Variants in EDIL3 observed in about 807,000 individuals in gnomAD.
The protein encoded by EDIL3 is EGF like and discoidin domains 3.
A neutral mutation model predicts 67.4 loss-of-function variants in EDIL3; 37 were observed. The observed-to-expected ratio is 0.55, with a 90% CI of 0.42 to 0.72. EDIL3 has a LOEUF of 0.72. Among genes scored for constraint, EDIL3 ranks in the 30% least tolerant of loss-of-function variants. The probability of loss-of-function intolerance (pLI) is 0.00; values close to 1 mark genes in which losing one functional copy is unlikely to be tolerated. For synonymous variants in EDIL3, 195 were observed against 196.3 expected (o/e 0.99, Z 0.05); for missense variants, 527 against 586.3 (o/e 0.90, Z 1.04).
At chr5:84,228,235 G>A (rs1016001446) in intron 3 of EDIL3, among the ~76,000 whole-genome samples, 1 of 152,026 alleles carries the variant, frequency 6.6e-6, no homozygotes, top group Non-Finnish European at 1.5e-5. Flanking sequence ...AGAGAACTAA[G>A]AGACTAGGGG....
intron 5 of EDIL3, among the ~76,000 whole-genome samples, chr5:84,117,840 A>G (rs1747699141): frequency 6.6e-6 from 1 of 152,178 alleles, no homozygotes; most frequent in African/African-American, 2.4e-5. Context: ...GGAACTAGGT[A>G]GGGACTATAA....
rs546343056 is a variant in EDIL3 at position 84,070,489 on chromosome 5, C to T, written c.652-3883G>A. Among the ~76,000 whole-genome samples the T allele has an allele frequency of 3.3e-5, 5 of 152,296 alleles. No homozygotes were observed. In the East Asian group the frequency reaches 9.7e-4, roughly 29 times the overall value. ...GAAGGGAGCCACATCCCATCACACACCTTGCAAGGGGGACAAGGGAACTTT... is the reference window on the plus strand; with the variant it reads ...GAAGGGAGCCACATCCCATCACACATCTTGCAAGGGGGACAAGGGAACTTT... On this transcript the variant is annotated intron_variant, in intron 6 of 10. Transcript: ENST00000296591.
chr5:84,175,385 A>G (rs548440085), intron 4 of EDIL3, among the ~76,000 whole-genome samples: 1 of 152,306 alleles, frequency 6.6e-6, no homozygotes, highest in African/African-American at 2.4e-5. Flanking sequence ...AAAGGAAGGG[A>G]AAAAAATAAA....
chr5:84,085,190 T>A (rs1467397097), intron 6 of EDIL3, among the ~76,000 whole-genome samples: 1 of 152,188 alleles, frequency 6.6e-6, no homozygotes, highest in African/African-American at 2.4e-5. Context: ...AATTCGTCAA[T>A]CTCATTCTCT....
At position 83,983,742 on chromosome 5, in the gene EDIL3, CT is replaced by C. The variant is rs550782079; in HGVS notation, c.1138-20383del. On this transcript the variant is annotated intron_variant, in intron 9 of 10. Transcript: ENST00000296591. ...TGACAGGTGGGAGGACAGGGACTTT[CT>C]TTTTTTTTTTTTTTTTCACTGTTCA... Among the ~76,000 whole-genome samples the C allele has an allele frequency of 2.4e-3, 305 of 126,862 alleles. 2 individuals are homozygous for C. Among genetic ancestry groups the C allele is most frequent in the Admixed American group, 8.9e-3 (111 of 12,542 alleles). 83.2% of individuals were successfully genotyped at this position (126,862 alleles called of 152,430 possible). A position where few individuals can be genotyped will look rare whatever the true frequency, so the allele number is the denominator to read the frequency against.
intron 9 of EDIL3, among the ~76,000 whole-genome samples, chr5:84,044,520 C>T (rs903936738): frequency 2.1e-4 from 32 of 151,744 alleles, no homozygotes; most frequent in Admixed American, 3.3e-4. Flanking sequence ...ATTTTTAGGA[C>T]GAAATTTTCC....
intron 9 of EDIL3, among the ~76,000 whole-genome samples, chr5:83,973,066 C>T (rs1422261037): frequency 6.6e-6 from 1 of 151,928 alleles, no homozygotes; most frequent in Non-Finnish European, 1.5e-5. Flanking sequence ...AAAGAATCAC[C>T]CTTTTCTTAC....
At chr5:84,286,542 T>C (rs1387484254) in intron 1 of EDIL3, among the ~76,000 whole-genome samples, 2 of 152,182 alleles carry the variant, frequency 1.3e-5, no homozygotes, top group East Asian at 1.9e-4. Context: ...TAGCATATAC[T>C]CTGCGTTTGC....
intron 1 of EDIL3, among the ~76,000 whole-genome samples, chr5:84,258,739 T>G (rs1365031815): frequency 1.3e-5 from 2 of 152,114 alleles, no homozygotes; most frequent in Non-Finnish European, 2.9e-5. Flanking sequence ...GGCCATAATC[T>G]CAGTGGTTAG....
At chr5:83,990,291 A>G (rs1057157845) in intron 9 of EDIL3, among the ~76,000 whole-genome samples, 1 of 152,100 alleles carries the variant, frequency 6.6e-6, no homozygotes, top group East Asian at 1.9e-4. Context: ...GATTGAGACC[A>G]TTTTGGCCAA....
In EDIL3 at chr5:83,985,858, A is replaced by G. The variant is rs185071092; in HGVS notation, c.1138-22498T>C. On this transcript the variant is annotated intron_variant, in intron 9 of 10. Coordinates refer to ENST00000296591, the MANE Select transcript of EDIL3 (RefSeq NM_005711.5). ...ACACAATTTTAAATCTGCTTTTCAT[A>G]GTTGTGTGAATAGGTTTGTATTGTT... is the stretch of plus-strand genomic sequence containing the variant. 3.9e-5 allele frequency among the ~76,000 whole-genome samples: 6 copies of G among 152,084 alleles called. No individual in the cohort carries two copies. The East Asian group carries it at 1.2e-3, about 29-fold the overall frequency.
chr5:84,311,957 C>T (rs1488591137), intron 1 of EDIL3, among the ~76,000 whole-genome samples: 4 of 152,184 alleles, frequency 2.6e-5, no homozygotes, highest in African/African-American at 7.2e-5. Context: ...CCGTGTCTAC[C>T]TCTTTCTACA....
At chr5:84,054,599 A>G (rs1007892262) in intron 9 of EDIL3, among the ~76,000 whole-genome samples, 15 of 152,108 alleles carry the variant, frequency 9.9e-5, no homozygotes, top group African/African-American at 1.7e-4. Context: ...CTGATAAGCA[A>G]CTTCAGCAAA....
chr5:84,089,614 C>T (rs2112266413), intron 6 of EDIL3, among the ~76,000 whole-genome samples: 1 of 152,264 alleles, frequency 6.6e-6, no homozygotes, highest in South Asian at 2.1e-4. Flanking sequence ...GAACACGGAC[C>T]ACTTACATGT....
chr5:84,316,134 C>G (rs534546129), intron 1 of EDIL3, among the ~76,000 whole-genome samples: 1 of 152,158 alleles, frequency 6.6e-6, no homozygotes, highest in Non-Finnish European at 1.5e-5. Flanking sequence ...AAGATACAAC[C>G]AGTACCATCC....
chr5:84,022,936 T>G (rs1745745207), intron 9 of EDIL3, among the ~76,000 whole-genome samples: 1 of 151,864 alleles, frequency 6.6e-6, no homozygotes, highest in Non-Finnish European at 1.5e-5. Flanking sequence ...TGATAAACAC[T>G]CAAAGTAATG....
chr5:84,239,612 C>A (rs1294819343), intron 2 of EDIL3, among the ~76,000 whole-genome samples: 1 of 152,162 alleles, frequency 6.6e-6, no homozygotes, highest in Admixed American at 6.5e-5. Context: ...GTACTGGGAA[C>A]TGGTAATCTT....
At chr5:84,048,617 T>C (rs1236520891) in intron 9 of EDIL3, among the ~76,000 whole-genome samples, 1 of 152,030 alleles carries the variant, frequency 6.6e-6, no homozygotes, top group Non-Finnish European at 1.5e-5. Context: ...GGTGGGATTG[T>C]GACATTTTCC....
At chr5:84,019,209 G>T (rs1256829541) in intron 9 of EDIL3, among the ~76,000 whole-genome samples, 2 of 152,122 alleles carry the variant, frequency 1.3e-5, no homozygotes, top group Non-Finnish European at 2.9e-5. Context: ...GGAATACTAT[G>T]CAGCCATAAA....
Sources: allele counts gnomAD v4.1 joint callset (sites outside exome capture counted in the v4.1 genomes callset), GRCh38; gene constraint gnomAD v4.1.1; transcripts MANE v1.5; gene names NCBI Gene and HGNC (gene_info 2026-07-23, HGNC 2026-07-21).